PRRX1: variants seen among roughly 807,000 people sequenced by gnomAD.
PRRX1 encodes the protein paired mesoderm homeobox protein 1.
In PRRX1, 8 loss-of-function variants were observed where a neutral mutation model predicts 24.0. The ratio of observed to expected loss-of-function variants is 0.33; its 90% CI spans 0.20 to 0.60. The LOEUF is 0.60. Ranked by LOEUF, PRRX1 falls within the 20% of genes least tolerant of loss-of-function variation. PRRX1 has a pLI of 0.82. For missense variants in PRRX1, 281 were observed against 322.4 expected (o/e 0.87, Z 0.98); for synonymous variants, 160 against 131.7 (o/e 1.22, Z -1.47).
intron 1 of PRRX1, among the ~76,000 whole-genome samples, chr1:170,666,544 G>C (rs376874526): frequency 3.0e-4 from 45 of 151,616 alleles, no homozygotes; most frequent in African/African-American, 6.8e-4. Flanking sequence ...ATTTACCACT[G>C]TTCGGATACT....
At chr1:170,666,210 G>A (rs1300941376) in intron 1 of PRRX1, among the ~76,000 whole-genome samples, 2 of 152,062 alleles carry the variant, frequency 1.3e-5, no homozygotes, top group Non-Finnish European at 2.9e-5. Context: ...CACGAGGTCA[G>A]GAGTTCGAGA....
intron 1 of PRRX1, among the ~76,000 whole-genome samples, chr1:170,705,852 T>C (rs1458774886): frequency 1.3e-5 from 2 of 152,058 alleles, no homozygotes; most frequent in Non-Finnish European, 2.9e-5. Context: ...TTCTCATGTT[T>C]CTAGCACTGC....
At chr1:170,719,424 G>A (rs1440101558) in intron 1 of PRRX1, among the ~76,000 whole-genome samples, 1 of 152,162 alleles carries the variant, frequency 6.6e-6, no homozygotes, top group African/African-American at 2.4e-5. Flanking sequence ...CATGGGCAGG[G>A]GTAAGATTTT....
chr1:170,664,560 C>A, intron 1 of PRRX1, 101 bp downstream of exon 1: 1 of 1,476,884 alleles, frequency 6.8e-7, no homozygotes, highest in Non-Finnish European at 9.0e-7. Flanking sequence ...AAGACAAGGT[C>A]CTGGGACCAG....
Position 170,736,918 on chromosome 1 carries a change from C to T in PRRX1, c.*732C>T, listed in dbSNP as rs1655628550. The T allele has an allele frequency of 5.0e-6, 1 of 199,408 alleles. No individual in the cohort carries two copies. The highest frequency in any genetic ancestry group is 6.0e-5 in the Admixed American group (1 of 16,572). 12.4% of individuals were successfully genotyped at this position (199,408 alleles called of 1,614,324 possible). On this transcript the variant is annotated 3_prime_UTR_variant, in exon 4 of 4. Transcript: ENST00000239461. ...GCTACAGATTATATCACTATCACCACCACCCCTCACCCTATGCAATCAATC... is the reference window on the plus strand; with the variant it reads ...GCTACAGATTATATCACTATCACCATCACCCCTCACCCTATGCAATCAATC...
intron 1 of PRRX1, among the ~76,000 whole-genome samples, chr1:170,693,546 T>A (rs1480779685): frequency 2.0e-5 from 3 of 152,108 alleles, no homozygotes; most frequent in Non-Finnish European, 4.4e-5. Context: ...ACTTTCCCTA[T>A]CCACCAGCCC....
In PRRX1 at chr1:170,731,943, A is replaced by C. The variant is rs757905658; in HGVS notation, c.600-4105A>C. Among the ~76,000 whole-genome samples, 6 of 152,310 alleles carry C rather than the reference A, an allele frequency of 3.9e-5. No homozygotes were observed. In the South Asian group the frequency reaches 1.0e-3, roughly 26 times the overall value. ...GTCACTGACACAAAGAACTTAACTA[A>C]AACTAACTAAAAATGGGGCTTTAGC... is the stretch of plus-strand genomic sequence containing the variant. On this transcript the variant is annotated intron_variant, in intron 3 of 3. Transcript: ENST00000239461.
intron 1 of PRRX1, among the ~76,000 whole-genome samples, chr1:170,692,743 A>T (rs583895): frequency 0.16 from 17,396 of 109,266 alleles, 1,037 homozygotes; most frequent in East Asian, 0.37. Context: ...TCTCTCTCTC[A>T]CACACACACA....
intron 1 of PRRX1, among the ~76,000 whole-genome samples, chr1:170,694,540 C>G (rs114692162): frequency 6.6e-6 from 1 of 152,020 alleles, no homozygotes; most frequent in East Asian, 1.9e-4. Context: ...GCTAGTCACA[C>G]GGGTTGAGAA....
intron 3 of PRRX1, chr1:170,728,761 T>C (rs889452934): frequency 6.6e-6 from 1 of 152,234 alleles, no homozygotes; most frequent in Non-Finnish European, 1.5e-5. Context: ...TTTCTAAAAG[T>C]AGCAAAAAGC....
At chr1:170,672,112 G>A (rs189297358) in intron 1 of PRRX1, among the ~76,000 whole-genome samples, 43 of 152,198 alleles carry the variant, frequency 2.8e-4, no homozygotes, top group African/African-American at 1.0e-3. Flanking sequence ...CTGCAACTTG[G>A]GTACCTAAAG....
chr1:170,692,521 G>GTT (rs765534362), intron 1 of PRRX1, among the ~76,000 whole-genome samples: 14 of 121,306 alleles, frequency 1.2e-4, no homozygotes, highest in Admixed American at 1.6e-4. Context: ...AGTTAAAGCT[G>GTT]TTTTTTTTTT....
At chr1:170,683,933 G>C (rs1653638053) in intron 1 of PRRX1, among the ~76,000 whole-genome samples, 1 of 152,154 alleles carries the variant, frequency 6.6e-6, no homozygotes, top group African/African-American at 2.4e-5. Flanking sequence ...ATTCAGGGGA[G>C]CTAAAATCAG....
intron 1 of PRRX1, among the ~76,000 whole-genome samples, chr1:170,676,412 A>G (rs1653323544): frequency 7.0e-6 from 1 of 143,220 alleles, no homozygotes; most frequent in Non-Finnish European, 1.5e-5. Flanking sequence ...GGGCTTTTTG[A>G]TTTGGAGAAT....
intron 1 of PRRX1, among the ~76,000 whole-genome samples, chr1:170,685,151 G>A (rs1164973442): frequency 6.6e-6 from 1 of 152,132 alleles, no homozygotes; most frequent in Non-Finnish European, 1.5e-5. Flanking sequence ...GCTTATTTGA[G>A]GTTTATCTCT....
chr1:170,671,483 G>T (rs73034968), intron 1 of PRRX1, among the ~76,000 whole-genome samples: 3 of 152,204 alleles, frequency 2.0e-5, no homozygotes, highest in Admixed American at 6.5e-5. Flanking sequence ...GTAAATTAGC[G>T]GCGAGCCTCG....
At chr1:170,685,211 G>A (rs1653689444) in intron 1 of PRRX1, among the ~76,000 whole-genome samples, 9 of 152,168 alleles carry the variant, frequency 5.9e-5, no homozygotes. Flanking sequence ...ATAAGGAACG[G>A]AGAAGAAAAT....
chr1:170,686,331 C>T lies in PRRX1; in HGVS notation c.241+21872C>T, dbSNP rs544154685. Among the ~76,000 whole-genome samples the T allele has an allele frequency of 7.9e-5, 12 of 152,188 alleles. No homozygotes were observed. In the East Asian group the frequency reaches 1.9e-3, roughly 24 times the overall value. Reference sequence around the variant, plus strand: ...AGCAAGCAGCTCTGTGCTTCATAAGCGAGCTTTTCTTTAAAAGGAGCTACA... The same window carrying T: ...AGCAAGCAGCTCTGTGCTTCATAAGTGAGCTTTTCTTTAAAAGGAGCTACA... On this transcript the variant is annotated intron_variant, in intron 1 of 3. Coordinates refer to ENST00000239461, the MANE Select transcript of PRRX1 (RefSeq NM_022716.4).
rs61148079 is a variant in PRRX1 at position 170,736,544 on chromosome 1, CTATATATATA to C, written c.*376_*385del. The C allele has an allele frequency of 0.2, 46,214 of 227,104 alleles. 5,668 individuals carry two copies. Among genetic ancestry groups the C allele is most frequent in the East Asian group, 0.48 (6,884 of 14,480 alleles). The allele number at this position is 227,104 out of a possible 1,614,324, so 14.1% of individuals were successfully genotyped here. On this transcript the variant is annotated 3_prime_UTR_variant, in exon 4 of 4. Coordinates refer to ENST00000239461, the MANE Select transcript of PRRX1 (RefSeq NM_022716.4). ...AAAAAAACTACAGCAGCCAAAGAAA[CTATATATATA>C]TATATATATATATATATCCAGAATG... is the stretch of plus-strand genomic sequence containing the variant.
Sources: gnomAD v4.1 joint callset for allele counts (sites outside exome capture counted in the v4.1 genomes callset) on GRCh38, gnomAD v4.1.1 for gene constraint, MANE v1.5 for transcripts, NCBI Gene and HGNC (gene_info 2026-07-23, HGNC 2026-07-21) for gene names.